ASH1L: variants seen among roughly 807,000 people sequenced by gnomAD.
ASH1L encodes the protein histone-lysine N-methyltransferase ASH1L.
ASH1L carries 23 observed loss-of-function variants against 269.0 expected under a neutral mutation model. The ratio of observed to expected loss-of-function variants is 0.09; its 90% confidence interval spans 0.06 to 0.12. The LOEUF (loss-of-function observed/expected upper bound fraction) is 0.12. Among genes scored for constraint, ASH1L ranks in the 10% least tolerant of loss-of-function variants. The pLI is 1.00. For synonymous variants in ASH1L, 1,187 were observed against 1,253.5 expected (o/e 0.95, Z 1.12); for missense variants, 2,912 against 3,567.8 (o/e 0.82, Z 4.68).
chr1:155,558,698 A>AT (rs1297533555), intron 1 of ASH1L, among the ~76,000 whole-genome samples: 1 of 151,844 alleles, frequency 6.6e-6, no homozygotes, highest in Admixed American at 6.6e-5. Context: ...GTTCATTCTA[A>AT]TTTTTTAACT....
intron 2 of ASH1L, among the ~76,000 whole-genome samples, chr1:155,487,216 A>C (rs1666387450): frequency 6.6e-6 from 1 of 152,134 alleles, no homozygotes; most frequent in South Asian, 2.1e-4. Context: ...GAATTAATGG[A>C]GCCAGAAAAA....
intron 2 of ASH1L, among the ~76,000 whole-genome samples, chr1:155,488,971 C>A (rs546972168): frequency 6.6e-6 from 1 of 152,008 alleles, no homozygotes; most frequent in South Asian, 2.1e-4. Context: ...GATATTTTAC[C>A]ATATACATCA....
chr1:155,502,040 C>T (rs568620970), intron 2 of ASH1L, among the ~76,000 whole-genome samples: 1 of 150,556 alleles, frequency 6.6e-6, no homozygotes, highest in Non-Finnish European at 1.5e-5. Context: ...TTGAGTAATA[C>T]AGTTATGACA....
Position 155,480,401 on chromosome 1 carries a change from A to T in ASH1L, c.2469T>A (p.Ile823=). 1.2e-6 allele frequency: 2 copies of T among 1,614,088 alleles called. No individual in the cohort carries two copies. Among genetic ancestry groups the T allele is most frequent in the Non-Finnish European group, 8.5e-7 (1 of 1,179,944 alleles). The stretch of plus-strand genomic sequence containing the variant: ...TAGGCCTTCCTCTTTTGGGCTTATA[A>T]ATATCAGACAAAAGGTCACTAGAGA... ...MCVSSDLLSD[I]YKPKRGRPKS... is the part of the protein sequence containing the mutation. The change falls in exon 3 of 28, where the codon ATT becomes ATA. Residue 823 remains isoleucine, a synonymous_variant. Coordinates refer to ENST00000392403, the MANE Select transcript of ASH1L (RefSeq NM_018489.3).
chr1:155,388,995 C>T (rs1458419467), intron 7 of ASH1L, among the ~76,000 whole-genome samples: 4 of 151,684 alleles, frequency 2.6e-5, no homozygotes, highest in African/African-American at 9.7e-5. Flanking sequence ...AGGCATGAGC[C>T]ACCATGCCTG....
At chr1:155,415,235 T>C (rs960644621) in intron 6 of ASH1L, among the ~76,000 whole-genome samples, 1 of 151,556 alleles carries the variant, frequency 6.6e-6, no homozygotes, top group African/African-American at 2.4e-5. Context: ...TACACAAAAT[T>C]AGCTGGGCGT....
At chr1:155,502,581 G>A (rs1051272165) in intron 2 of ASH1L, among the ~76,000 whole-genome samples, 2 of 152,158 alleles carry the variant, frequency 1.3e-5, no homozygotes, top group South Asian at 4.1e-4. Flanking sequence ...CACTGAAGGA[G>A]CCAAAGAAAT....
In ASH1L at chr1:155,521,154, T is replaced by C; in HGVS notation, c.366A>G (p.Ala122=). Residue 122 remains alanine, a synonymous_variant, in exon 2 of 28, where the codon GCA becomes GCG. Transcript: ENST00000392403. ...CATCCGTCATCTTTCCACTTTTAAG[T>C]GCTTTCCTTGGGTGCTTAATAGTTG... The part of the protein sequence containing the change: ...IKTTIKHPRK[A]LKSGKMTDEK... 1 of 1,611,048 alleles carries C rather than the reference T, an allele frequency of 6.2e-7. No homozygotes were observed. Among genetic ancestry groups the C allele is most frequent in the African/African-American group, 1.3e-5 (1 of 74,808 alleles).
rs527840746 is a variant in ASH1L, at chr1:155,349,821, G to A, written c.7367-225C>T. On this transcript the variant is annotated intron_variant, in intron 17 of 27. Coordinates refer to ENST00000392403, the MANE Select transcript of ASH1L (RefSeq NM_018489.3). Reference sequence around the variant, plus strand: ...CAACCTCCACCTCCTGAGTTCAAGCGATTCTCCTGCCTCAGCCTCCCGAGC... The same window carrying A: ...CAACCTCCACCTCCTGAGTTCAAGCAATTCTCCTGCCTCAGCCTCCCGAGC... 4.2e-5 allele frequency among the ~76,000 whole-genome samples: 6 copies of A among 144,122 alleles called. No individual in the cohort carries two copies. The South Asian group carries it at 1.1e-3, about 27-fold the overall frequency. 94.5% of individuals were successfully genotyped at this position (144,122 alleles called of 152,430 possible). A position where few individuals can be genotyped will look rare whatever the true frequency, so the allele number is the denominator to read the frequency against.
intron 13 of ASH1L, 127 bp from the exon 14 acceptor site, chr1:155,357,876 T>C: frequency 1.2e-6 from 1 of 844,968 alleles, no homozygotes; most frequent in Non-Finnish European, 1.8e-6. Flanking sequence ...GCTCAACTGA[T>C]CCTCCTATCT....
chr1:155,545,415 GATTT>G (rs907811688), intron 1 of ASH1L, among the ~76,000 whole-genome samples: 6 of 151,300 alleles, frequency 4.0e-5, no homozygotes, highest in East Asian at 3.9e-4. Flanking sequence ...CCAATAAAAA[GATTT>G]ATTATATGAA....
chr1:155,433,843 C>T (rs1661830873), intron 5 of ASH1L: 2 of 1,606,768 alleles, frequency 1.2e-6, no homozygotes, highest in South Asian at 2.2e-5. Context: ...AGGAGACATG[C>T]AAAGCAGAAA....
chr1:155,347,362 G>A (rs770367254), intron 20 of ASH1L, among the ~76,000 whole-genome samples: 7 of 152,068 alleles, frequency 4.6e-5, no homozygotes, highest in Non-Finnish European at 1.0e-4. Flanking sequence ...AGCTGAGATC[G>A]TGCCACCACA....
chr1:155,365,104 C>T (rs1655290508), intron 12 of ASH1L, among the ~76,000 whole-genome samples: 1 of 152,140 alleles, frequency 6.6e-6, no homozygotes, highest in Non-Finnish European at 1.5e-5. Context: ...GAACCCCTTT[C>T]TGGCATCTTT....
In ASH1L at chr1:155,411,586, A is replaced by AATATATATATATATATAT. The variant is rs368800129; in HGVS notation, c.6008+4140_6008+4157dup. 2.5e-3 allele frequency among the ~76,000 whole-genome samples: 137 copies of AATATATATATATATATAT among 55,060 alleles called. 1 individual carries two copies. The highest frequency in any genetic ancestry group is 5.9e-3 in the South Asian group (7 of 1,182). The allele number at this position is 55,060 out of a possible 152,430, so 36.1% of individuals were successfully genotyped here. A position where few individuals can be genotyped will look rare whatever the true frequency, so the allele number is the denominator to read the frequency against. On this transcript the variant is annotated intron_variant, in intron 6 of 27. Coordinates refer to ENST00000392403, the MANE Select transcript of ASH1L (RefSeq NM_018489.3). ...AAATATGAATATAAATAAATAAATA[A>AATATATATATATATATAT]ATATATATATATATATATATATATA...
chr1:155,523,052 C>A (rs561260099), intron 1 of ASH1L, among the ~76,000 whole-genome samples: 1 of 152,284 alleles, frequency 6.6e-6, no homozygotes, highest in South Asian at 2.1e-4. Flanking sequence ...TGAAGACTGA[C>A]AGACTAGTCT....
At chr1:155,445,438 G>A (rs1035390780) in intron 4 of ASH1L, among the ~76,000 whole-genome samples, 1 of 151,972 alleles carries the variant, frequency 6.6e-6, no homozygotes, top group Non-Finnish European at 1.5e-5. Context: ...GCCCACCTCA[G>A]CATTCCAAAG....
At chr1:155,487,248 A>C (rs1014748614) in intron 2 of ASH1L, among the ~76,000 whole-genome samples, 2 of 152,228 alleles carry the variant, frequency 1.3e-5, no homozygotes, top group African/African-American at 4.8e-5. Flanking sequence ...TTCTGACTTC[A>C]TTTATATAAA....
chr1:155,547,846 G>A (rs1220399947), intron 1 of ASH1L, among the ~76,000 whole-genome samples: 1 of 152,082 alleles, frequency 6.6e-6, no homozygotes, highest in Non-Finnish European at 1.5e-5. Context: ...GGTGGCAGGC[G>A]CCTGTAGTCC....
Sources: gnomAD v4.1 joint callset for allele counts (sites outside exome capture counted in the v4.1 genomes callset) on GRCh38, gnomAD v4.1.1 for gene constraint, MANE v1.5 for transcripts, NCBI Gene and HGNC (gene_info 2026-07-23, HGNC 2026-07-21) for gene names.